PPP6R3: variants seen among roughly 807,000 people sequenced by gnomAD.
The protein encoded by PPP6R3 is serine/threonine-protein phosphatase 6 regulatory subunit 3.
Under a neutral mutation model 110.7 loss-of-function variants are expected in PPP6R3, and 38 were observed. That is an observed-to-expected ratio of 0.34 (90% CI 0.26 to 0.45). PPP6R3 has a LOEUF of 0.45. PPP6R3 is among the 20% of genes least tolerant of loss of function. The pLI is 1.00. For missense variants in PPP6R3, 870 were observed against 1,062.4 expected (o/e 0.82, Z 2.52); for synonymous variants, 369 against 373.5 (o/e 0.99, Z 0.14).
chr11:68,542,226 G>A (rs2099320162), intron 3 of PPP6R3, among the ~76,000 whole-genome samples: 1 of 151,618 alleles, frequency 6.6e-6, no homozygotes, highest in African/African-American at 2.4e-5. Flanking sequence ...CCTGGAGCGA[G>A]GAGGAAGTGC....
At chr11:68,539,183 G>T (rs2099293447) in intron 3 of PPP6R3, among the ~76,000 whole-genome samples, 1 of 152,170 alleles carries the variant, frequency 6.6e-6, no homozygotes, top group Non-Finnish European at 1.5e-5. Context: ...GAGGAGTGTG[G>T]TATGCATCAG....
intron 18 of PPP6R3, 88 bp from the exon 19 acceptor site, chr11:68,596,009 T>C: frequency 6.5e-7 from 1 of 1,534,120 alleles, no homozygotes; most frequent in South Asian, 1.2e-5. Context: ...CCACAGGACC[T>C]TTTGTTGCTG....
At position 68,600,435 on chromosome 11, in the gene PPP6R3, G is replaced by A; in HGVS notation, c.2133G>A (p.Glu711=). The A allele has an allele frequency of 6.2e-7, 1 of 1,614,156 alleles. No individual in the cohort carries two copies. The highest frequency in any genetic ancestry group is 1.1e-5 in the South Asian group (1 of 91,082). ...SVGSDVWSTE[E]PMPTKETGWA... ...GATCTGATGTCTGGAGCACAGAGGA[G>A]CCGATGCCAACTAAAGAGACGGGCT... Residue 711 remains glutamate, a synonymous_variant, in exon 20 of 24, where the codon GAG becomes GAA. Transcript: ENST00000393800.
At chr11:68,598,095 TTCCCCAG>T (rs1315952613) in intron 19 of PPP6R3, among the ~76,000 whole-genome samples, 1 of 152,186 alleles carries the variant, frequency 6.6e-6, no homozygotes, top group Non-Finnish European at 1.5e-5. Context: ...TCATTTCTAC[TTCCCCAG>T]TCCCTAGCAG....
intron 8 of PPP6R3, among the ~76,000 whole-genome samples, chr11:68,562,832 T>C (rs1224184288): frequency 6.6e-6 from 1 of 151,774 alleles, no homozygotes. Context: ...TGTCTCAGAG[T>C]CATGTACAGA....
At chr11:68,550,625 G>A (rs981288637) in intron 5 of PPP6R3, among the ~76,000 whole-genome samples, 3 of 152,162 alleles carry the variant, frequency 2.0e-5, no homozygotes, top group Non-Finnish European at 4.4e-5. Flanking sequence ...CAGCCCCCAC[G>A]TTTCCTGCAG....
intron 1 of PPP6R3, among the ~76,000 whole-genome samples, chr11:68,483,811 G>T (rs77589302): frequency 9.2e-4 from 140 of 152,266 alleles, no homozygotes; most frequent in African/African-American, 3.2e-3. Context: ...AAATGTATAA[G>T]GACATGTAGC....
rs1565935565 is a variant in PPP6R3, at chr11:68,573,148, AT to A, written c.1344-960del. Among the ~76,000 whole-genome samples the A allele has an allele frequency of 1.9e-3, 160 of 82,454 alleles. 8 individuals are homozygous for A. The highest frequency in any genetic ancestry group is 6.0e-3 in the African/African-American group (153 of 25,310). 54.1% of individuals were successfully genotyped at this position (82,454 alleles called of 152,430 possible). On this transcript the variant is annotated intron_variant, in intron 12 of 23. Transcript: ENST00000393800. ...TATATATATATATATATATATATATATATATAATTTTTTTTTTTTTGAGACG... is the reference window on the plus strand; with the variant it reads ...TATATATATATATATATATATATATAATATAATTTTTTTTTTTTTGAGACG...
intron 7 of PPP6R3, among the ~76,000 whole-genome samples, chr11:68,555,134 A>T (rs866882815): frequency 3.3e-5 from 5 of 152,224 alleles, no homozygotes; most frequent in Non-Finnish European, 4.4e-5. Context: ...AGCATGTAGA[A>T]TACGAAGGGG....
chr11:68,599,188 C>T (rs752853561), intron 19 of PPP6R3, among the ~76,000 whole-genome samples: 15 of 152,192 alleles, frequency 9.9e-5, no homozygotes, highest in Non-Finnish European at 2.1e-4. Context: ...CCTAGAGATT[C>T]CTAATTATGA....
intron 18 of PPP6R3, among the ~76,000 whole-genome samples, chr11:68,595,109 A>G (rs1413880537): frequency 6.6e-6 from 1 of 152,036 alleles, no homozygotes; most frequent in African/African-American, 2.4e-5. Flanking sequence ...AAACTATAAA[A>G]CTTCTACAAG....
chr11:68,587,349 G>A (rs1276238506), intron 15 of PPP6R3: 1 of 155,900 alleles, frequency 6.4e-6, no homozygotes, highest in Non-Finnish European at 1.4e-5. Flanking sequence ...AGGTAGGGTA[G>A]AAATTATTTT....
chr11:68,584,448 T>C (rs1225879780), intron 15 of PPP6R3, among the ~76,000 whole-genome samples: 4 of 152,240 alleles, frequency 2.6e-5, no homozygotes, highest in Non-Finnish European at 5.9e-5. Context: ...GGTCCACCCC[T>C]AGAATGAAGC....
chr11:68,542,020 A>C (rs2099318198), intron 3 of PPP6R3, among the ~76,000 whole-genome samples: 1 of 151,770 alleles, frequency 6.6e-6, no homozygotes, highest in African/African-American at 2.4e-5. Context: ...GCAGATTTGG[A>C]GTCAGGGGTG....
intron 1 of PPP6R3, among the ~76,000 whole-genome samples, chr11:68,477,587 A>G (rs771413569): frequency 6.6e-6 from 1 of 151,308 alleles, no homozygotes; most frequent in Non-Finnish European, 1.5e-5. Context: ...TTAGGTTGGT[A>G]TGGCAGCGTG....
At chr11:68,588,599 A>G (rs1483861502) in intron 16 of PPP6R3, among the ~76,000 whole-genome samples, 1 of 151,744 alleles carries the variant, frequency 6.6e-6, no homozygotes, top group Non-Finnish European at 1.5e-5. Context: ...CTGGGACTAC[A>G]GGTACCCGCC....
At chr11:68,568,338 A>T (rs569888634) in intron 10 of PPP6R3, among the ~76,000 whole-genome samples, 17 of 152,276 alleles carry the variant, frequency 1.1e-4, no homozygotes, top group African/African-American at 4.1e-4. Context: ...AGTTATTGTT[A>T]ATTTATTCTG....
At chr11:68,549,194 CT>C (rs1376411856) in intron 5 of PPP6R3, among the ~76,000 whole-genome samples, 1 of 152,174 alleles carries the variant, frequency 6.6e-6, no homozygotes, top group Non-Finnish European at 1.5e-5. Flanking sequence ...CCCGGTCCCC[CT>C]CCCTTTCTTC....
chr11:68,566,886 A>T (rs990204255), intron 9 of PPP6R3, 128 bp from the exon 10 acceptor site: 97 of 667,702 alleles, frequency 1.5e-4, no homozygotes, highest in Admixed American at 9.5e-4. Context: ...GCAGCTTTAG[A>T]TGTTGTTTCA....
Sources: allele counts gnomAD v4.1 joint callset (sites outside exome capture counted in the v4.1 genomes callset), GRCh38; gene constraint gnomAD v4.1.1; transcripts MANE v1.5; gene names NCBI Gene and HGNC (gene_info 2026-07-23, HGNC 2026-07-21).